The following COL4A5 variants were observed in gnomAD, a reference collection of about 807,000 sequenced individuals.
COL4A5 encodes collagen alpha-5(IV) chain.
In COL4A5, 26 loss-of-function variants were observed where a neutral mutation model predicts 130.2. That is an observed-to-expected ratio of 0.20 (90% CI 0.15 to 0.28). The LOEUF is 0.28. Ranked by LOEUF, COL4A5 falls within the 10% of genes least tolerant of loss-of-function variation. COL4A5 has a pLI of 1.00. For synonymous variants in COL4A5, 496 were observed against 439.6 expected (o/e 1.13, Z -1.60); for missense variants, 1,131 against 1,344.3 (o/e 0.84, Z 2.48).
Position 108,687,638 on chromosome X carries a change from A to G in COL4A5, c.4472A>G (p.Glu1491Gly). 8.3e-7 allele frequency: 1 copy of G among 1,211,487 alleles called. No homozygotes were observed. The highest frequency in any genetic ancestry group is 1.1e-6 in the Non-Finnish European group (1 of 895,448). ...QCPQGTLQVY[E>G]GFSLLYVQGN... ...CCACAGGGAACACTTCAGGTCTATG[A>G]AGGCTTTTCTCTCCTGTATGTACAA... The change falls in exon 49 of 53, where the codon GAA (glutamate) becomes GGA (glycine). Residue 1491 changes from glutamate to glycine, a missense_variant. Physicochemically the swap from Glu to Gly is moderately conservative, Grantham distance 98. Coordinates refer to ENST00000328300, the MANE Select transcript of COL4A5 (RefSeq NM_033380.3).
intron 37 of COL4A5, among the ~76,000 whole-genome samples, chrX:108,661,509 A>G (rs755045556): frequency 2.7e-5 from 3 of 111,812 alleles, no homozygotes; most frequent in Non-Finnish European, 3.8e-5. Flanking sequence ...ATTCTTTAAC[A>G]TATTTATTAT....
chrX:108,628,588 G>A (rs948722529), intron 36 of COL4A5, among the ~76,000 whole-genome samples: 5 of 111,385 alleles, frequency 4.5e-5, no homozygotes, highest in East Asian at 2.8e-4. Flanking sequence ...ACTGTTTTAC[G>A]AGAGGACTTG....
intron 2 of COL4A5, among the ~76,000 whole-genome samples, chrX:108,550,675 G>A (rs1488545609): frequency 1.8e-5 from 2 of 111,600 alleles, no homozygotes; most frequent in Non-Finnish European, 3.8e-5. Flanking sequence ...TGCCAGTACA[G>A]TAAGACAAGA....
intron 41 of COL4A5, 137 bp downstream of exon 41, chrX:108,668,641 G>A: frequency 2.3e-6 from 1 of 430,419 alleles, no homozygotes; most frequent in Non-Finnish European, 3.8e-6. Context: ...TTTAAAATTT[G>A]TGATATAACT....
intron 4 of COL4A5, among the ~76,000 whole-genome samples, chrX:108,566,283 A>G (rs1235657621): frequency 9.1e-6 from 1 of 109,627 alleles, no homozygotes; most frequent in Non-Finnish European, 1.9e-5. Context: ...GTGTGTTTCA[A>G]TCAATTTTAG....
In COL4A5 at chrX:108,509,053, T is replaced by G. The variant is rs761697014; in HGVS notation, c.82-30693T>G. 5.3e-5 allele frequency among the ~76,000 whole-genome samples: 6 copies of G among 112,230 alleles called. No individual in the cohort carries two copies. In the East Asian group the frequency reaches 1.7e-3, roughly 31 times the overall value. On this transcript the variant is annotated intron_variant, in intron 1 of 52. Transcript: ENST00000328300. ...AAGCAATTGCAACAAAAGCAAAAAT[T>G]GGCAATGCGATCTAATTAAACATAA...
intron 1 of COL4A5, among the ~76,000 whole-genome samples, chrX:108,535,818 G>T (rs1486377171): frequency 9.0e-6 from 1 of 110,766 alleles, no homozygotes; most frequent in Non-Finnish European, 1.9e-5. Context: ...TCCCTTTGAT[G>T]CTTTTAGGAA....
intron 50 of COL4A5, 51 bp downstream of exon 50, chrX:108,692,976 A>C: frequency 1.7e-6 from 2 of 1,174,840 alleles, no homozygotes; most frequent in Non-Finnish European, 2.3e-6. Context: ...TTAGTTAGCT[A>C]GTCAGATTTG....
Position 108,544,466 on chromosome X carries a change from A to T in COL4A5, c.141+4661A>T, listed in dbSNP as rs908648372. 2.7e-5 allele frequency among the ~76,000 whole-genome samples: 3 copies of T among 111,535 alleles called. No individual in the cohort carries two copies. In the East Asian group the frequency reaches 8.5e-4, roughly 31 times the overall value. On this transcript the variant is annotated intron_variant, in intron 2 of 52. Transcript: ENST00000328300. The stretch of plus-strand genomic sequence containing the variant: ...GCATCCCAGGGATGAAGCCCACTTG[A>T]TCGTGGTGGATAAGGTTTTTGATGT...
intron 3 of COL4A5, 95 bp downstream of exon 3, chrX:108,559,248 T>C: frequency 1.5e-6 from 1 of 647,896 alleles, no homozygotes. Flanking sequence ...TACTGAATTA[T>C]AGCAAGAAAC....
intron 29 of COL4A5, among the ~76,000 whole-genome samples, chrX:108,610,434 A>T (rs2066812993): frequency 1.8e-5 from 2 of 111,880 alleles, no homozygotes; most frequent in South Asian, 7.4e-4. Flanking sequence ...TCTTAAAAAA[A>T]TACCTTTCTG....
intron 8 of COL4A5, 97 bp downstream of exon 8, chrX:108,571,934 C>G: frequency 1.4e-6 from 1 of 700,240 alleles, no homozygotes; most frequent in Admixed American, 2.3e-5. Flanking sequence ...GTCTTAAAAT[C>G]GATGTTTCTA....
Position 108,680,799 on chromosome X carries a change from G to A in COL4A5, c.4015+48G>A, listed in dbSNP as rs367890348. 1.4e-3 allele frequency: 1,661 copies of A among 1,183,239 alleles called. 3 individuals are homozygous for A. Among genetic ancestry groups the A allele is most frequent in the Non-Finnish European group, 1.5e-3 (1,349 of 871,499 alleles). On this transcript the variant is annotated intron_variant, in intron 45 of 52. Transcript: ENST00000328300. The stretch of plus-strand genomic sequence containing the variant: ...TTTCCCTTTATATTAAACTCCTCTG[G>A]GACAAGATAGCCATTTTCTGATTTG...
intron 36 of COL4A5, among the ~76,000 whole-genome samples, chrX:108,632,856 A>G (rs1048681261): frequency 5.4e-5 from 6 of 111,647 alleles, no homozygotes; most frequent in Non-Finnish European, 1.1e-4. Context: ...ATTTATGACA[A>G]ACCCACAGCC....
chrX:108,598,001 G>C (rs2066550774), intron 24 of COL4A5, among the ~76,000 whole-genome samples: 1 of 110,035 alleles, frequency 9.1e-6, no homozygotes, highest in Admixed American at 9.8e-5. Flanking sequence ...GACCAGCCTG[G>C]CCAACATGGT....
intron 42 of COL4A5, among the ~76,000 whole-genome samples, chrX:108,671,540 C>A (rs1281263804): frequency 9.0e-6 from 1 of 111,385 alleles, no homozygotes; most frequent in Admixed American, 9.6e-5. Context: ...AGGACTATTG[C>A]AGTAGAGTAG....
At chrX:108,523,730 A>C (rs1381387233) in intron 1 of COL4A5, among the ~76,000 whole-genome samples, 1 of 111,848 alleles carries the variant, frequency 8.9e-6, no homozygotes, top group African/African-American at 3.2e-5. Context: ...ATCCATGAAC[A>C]TGGGATAATT....
chrX:108,621,920 T>C lies in COL4A5; in HGVS notation c.2767+28T>C, dbSNP rs945469304. On this transcript the variant is annotated intron_variant, in intron 32 of 52. Coordinates refer to ENST00000328300, the MANE Select transcript of COL4A5 (RefSeq NM_033380.3). ...AATAATCAAGGTTTGCTGCCAGACG[T>C]ATGTGAGAGGGAAAATTAAATATAG... 6 of 1,044,913 alleles carry C rather than the reference T, an allele frequency of 5.7e-6. No homozygotes were observed. The African/African-American group carries it at 9.2e-5, about 16-fold the overall frequency. 86.1% of individuals were successfully genotyped at this position (1,044,913 alleles called of 1,213,427 possible).
At chrX:108,538,288 C>A (rs893537636) in intron 1 of COL4A5, among the ~76,000 whole-genome samples, 1 of 111,659 alleles carries the variant, frequency 9.0e-6, no homozygotes, top group Non-Finnish European at 1.9e-5. Context: ...GTGTAGTTAG[C>A]GTAAAATACT....
Sources: allele counts gnomAD v4.1 joint callset (sites outside exome capture counted in the v4.1 genomes callset), GRCh38; gene constraint gnomAD v4.1.1; transcripts MANE v1.5; gene names NCBI Gene and HGNC (gene_info 2026-07-23, HGNC 2026-07-21).